CRB1: variants seen among roughly 807,000 people sequenced by gnomAD.
CRB1 encodes protein crumbs homolog 1.
Under a neutral mutation model 120.0 loss-of-function variants are expected in CRB1, and 83 were observed. The ratio of observed to expected loss-of-function variants is 0.69; its 90% CI spans 0.58 to 0.83. The LOEUF is 0.83. Ranked by LOEUF, CRB1 falls within the 40% of genes least tolerant of loss-of-function variation. CRB1 has a pLI of 0.00. For missense variants in CRB1, 1,699 were observed against 1,687.6 expected (o/e 1.01, Z -0.12); for synonymous variants, 625 against 612.5 (o/e 1.02, Z -0.30).
chr1:197,254,498 AT>A, the CRB1 span, among the ~76,000 whole-genome samples: 1 of 152,108 alleles, frequency 6.6e-6, no homozygotes, highest in African/African-American at 2.4e-5. Context: ...TGTTTTTTTC[AT>A]ATCGTCTCTC....
chr1:197,336,146 G>C (rs550950055), intron 2 of CRB1, among the ~76,000 whole-genome samples: 3 of 152,136 alleles, frequency 2.0e-5, no homozygotes, highest in African/African-American at 7.2e-5. Context: ...GATAATTCCT[G>C]TTCCTCTTGG....
intron 5 of CRB1, among the ~76,000 whole-genome samples, chr1:197,412,899 C>T (rs1292632480): frequency 1.3e-5 from 2 of 152,180 alleles, no homozygotes; most frequent in Admixed American, 1.3e-4. Flanking sequence ...GTTTCCATCA[C>T]AACTTATCTG....
intron 6 of CRB1, 147 bp downstream of exon 6, chr1:197,422,103 A>G: frequency 1.4e-6 from 1 of 699,588 alleles, no homozygotes; most frequent in Non-Finnish European, 2.4e-6. Flanking sequence ...ATGAGAAAGA[A>G]AAGAAGAGGG....
At chr1:197,295,819 T>C (rs1335078175) in intron 1 of CRB1, among the ~76,000 whole-genome samples, 1 of 151,992 alleles carries the variant, frequency 6.6e-6, no homozygotes, top group Non-Finnish European at 1.5e-5. Flanking sequence ...GCCTGAGACC[T>C]TGTGTACCTA....
At chr1:197,353,923 A>G (rs1000115225) in intron 4 of CRB1, among the ~76,000 whole-genome samples, 6 of 150,458 alleles carry the variant, frequency 4.0e-5, no homozygotes, top group African/African-American at 1.5e-4. Flanking sequence ...TACTAAATTT[A>G]CATTTTGGGG....
chr1:197,310,291 T>C (rs893527476), intron 1 of CRB1, among the ~76,000 whole-genome samples: 1 of 151,944 alleles, frequency 6.6e-6, no homozygotes, highest in African/African-American at 2.4e-5. Context: ...AATAGAAAAA[T>C]ATAAAAAAAA....
At chr1:197,271,054 T>A (rs193260845) in intron 1 of CRB1, among the ~76,000 whole-genome samples, 5 of 151,964 alleles carry the variant, frequency 3.3e-5, no homozygotes, top group African/African-American at 1.2e-4. Context: ...AAAAAATTAA[T>A]GGGGCATCGT....
the CRB1 span, among the ~76,000 whole-genome samples, chr1:197,256,834 CA>C: frequency 7.0e-6 from 1 of 142,424 alleles, no homozygotes; most frequent in African/African-American, 2.7e-5. Flanking sequence ...GAAAAAAAAA[CA>C]AAAAAAACTT....
intron 1 of CRB1, among the ~76,000 whole-genome samples, chr1:197,316,396 A>G (rs888943265): frequency 1.3e-5 from 1 of 76,528 alleles, no homozygotes; most frequent in African/African-American, 4.6e-5. Context: ...GTGTTAGCCA[A>G]GATGGTCTCA....
At chr1:197,443,661 T>C (rs553048265) in intron 11 of CRB1, 1 of 152,052 alleles carries the variant, frequency 6.6e-6, no homozygotes, top group South Asian at 2.1e-4. Context: ...AAGCATAGTA[T>C]ACATCATAAC....
chr1:197,293,181 A>G (rs888397160), intron 1 of CRB1, among the ~76,000 whole-genome samples: 1 of 152,172 alleles, frequency 6.6e-6, no homozygotes, highest in Non-Finnish European at 1.5e-5. Context: ...TCAGTGCAAA[A>G]TCTCCTTAAG....
chr1:197,352,150 T>G (rs1021913624), intron 4 of CRB1, among the ~76,000 whole-genome samples: 30 of 152,228 alleles, frequency 2.0e-4, no homozygotes, highest in Non-Finnish European at 2.9e-4. Context: ...ACCCCAGGGA[T>G]GTGACTCAGT....
At chr1:197,418,610 T>C (rs1187956493) in intron 5 of CRB1, among the ~76,000 whole-genome samples, 1 of 152,194 alleles carries the variant, frequency 6.6e-6, no homozygotes, top group Non-Finnish European at 1.5e-5. Flanking sequence ...TGGCAGTACA[T>C]CGTCAGATTA....
intron 11 of CRB1, among the ~76,000 whole-genome samples, chr1:197,453,434 T>C (rs1455143529): frequency 6.8e-6 from 1 of 147,166 alleles, no homozygotes; most frequent in African/African-American, 2.5e-5. Context: ...ACAAGTATAG[T>C]AGTATACTAA....
rs1208615081 is a variant in CRB1, at chr1:197,365,610, CCTT to C, written c.1171+8613_1171+8615del. 8.7e-3 allele frequency among the ~76,000 whole-genome samples: 1,211 copies of C among 139,800 alleles called. 13 individuals are homozygous for C. Among genetic ancestry groups the C allele is most frequent in the African/African-American group, 0.031 (1,026 of 32,620 alleles). 91.7% of individuals were successfully genotyped at this position (139,800 alleles called of 152,430 possible). A position where few individuals can be genotyped will look rare whatever the true frequency, so the allele number is the denominator to read the frequency against. On this transcript the variant is annotated intron_variant, in intron 5 of 11. Coordinates refer to ENST00000367400, the MANE Select transcript of CRB1 (RefSeq NM_201253.3). ...TTCTCCTTCTCCTCCTTCTCCTTCTCCTTCTTCTTCTTCTTCTTTTTTTTTTTT... is the reference window on the plus strand; with the variant it reads ...TTCTCCTTCTCCTCCTTCTCCTTCTCCTTCTTCTTCTTCTTTTTTTTTTTT...
the CRB1 span, among the ~76,000 whole-genome samples, chr1:197,209,236 G>A: frequency 6.6e-6 from 1 of 152,118 alleles, no homozygotes; most frequent in African/African-American, 2.4e-5. Context: ...CTCCCGATTT[G>A]CTCCCTCTCC....
the CRB1 span, among the ~76,000 whole-genome samples, chr1:197,256,252 T>C: frequency 4.6e-5 from 7 of 151,652 alleles, no homozygotes; most frequent in Non-Finnish European, 1.0e-4. Flanking sequence ...CTTTTCTGGA[T>C]TCTCCTTCTA....
chr1:197,262,142 G>T, the CRB1 span, among the ~76,000 whole-genome samples: 62 of 152,238 alleles, frequency 4.1e-4, no homozygotes, highest in South Asian at 0.012. Context: ...TATTGCAGGT[G>T]TACATATAAT....
chr1:197,435,799 T>C (rs1665132526), intron 9 of CRB1, among the ~76,000 whole-genome samples, 187 bp downstream of exon 9: 1 of 152,098 alleles, frequency 6.6e-6, no homozygotes, highest in Non-Finnish European at 1.5e-5. Context: ...ATTCTACAGG[T>C]CAGAAAGGTA....
Sources: gnomAD v4.1 joint callset for allele counts (sites outside exome capture counted in the v4.1 genomes callset) on GRCh38, gnomAD v4.1.1 for gene constraint, MANE v1.5 for transcripts, NCBI Gene and HGNC (gene_info 2026-07-23, HGNC 2026-07-21) for gene names.